The following PCSK5 variants were observed in gnomAD, a reference collection of about 807,000 sequenced individuals.
The protein encoded by PCSK5 is proprotein convertase subtilisin/kexin type 5.
In PCSK5, 129 loss-of-function variants were observed where a neutral mutation model predicts 233.2. That is an observed-to-expected ratio of 0.55 (90% CI 0.48 to 0.64). PCSK5 has a LOEUF of 0.64. Ranked by LOEUF, PCSK5 falls within the 30% of genes least tolerant of loss-of-function variation. The pLI, the probability that PCSK5 is intolerant of heterozygous loss-of-function variation, is 0.00. For missense variants in PCSK5, 2,076 were observed against 2,430.1 expected, an observed-to-expected ratio of 0.85 and a Z score of 3.06; for synonymous variants, 825 against 879.2, an observed-to-expected ratio of 0.94 and a Z score of 1.09.
intron 2 of PCSK5, among the ~76,000 whole-genome samples, chr9:75,951,441 A>G (rs1013340763): frequency 2.9e-4 from 44 of 152,358 alleles, no homozygotes; most frequent in African/African-American, 9.4e-4. Flanking sequence ...CATGTGTCCA[A>G]TTCAAGTGTG....
chr9:76,239,155 G>A lies in PCSK5; in HGVS notation c.3063G>A (p.Glu1021=), dbSNP rs1273848251. The change falls in exon 23 of 38, where the codon GAG becomes GAA. Residue 1021 remains glutamate (E), a synonymous_variant. Transcript: ENST00000674117. ...APTNHTCQKL[E]CGQGEVQDPD... ...CCAACCACACATGCCAGAAGTTAGA[G>A]TGTGGACAAGGTAAGCCTGCTCCTG... 6.3e-7 allele frequency: 1 copy of A among 1,580,582 alleles called. No homozygotes were observed.
At position 76,079,113 on chromosome 9, in the gene PCSK5, T is replaced by A. The variant is rs911072587; in HGVS notation, c.894+7215T>A. 9.9e-5 allele frequency among the ~76,000 whole-genome samples: 15 copies of A among 151,804 alleles called. No homozygotes were observed. The East Asian group carries it at 1.2e-3, about 12-fold the overall frequency. On this transcript the variant is annotated intron_variant, in intron 7 of 37. Coordinates refer to ENST00000674117, the MANE Select transcript of PCSK5 (RefSeq NM_001372043.1). Reference sequence around the variant, plus strand: ...TGTGGATGGATTGCATTTTTTTTTTTAAATCGAGATGGAGTTCACCCTGTC... The same window carrying A: ...TGTGGATGGATTGCATTTTTTTTTTAAAATCGAGATGGAGTTCACCCTGTC...
At chr9:75,997,461 A>G (rs1384984585) in intron 3 of PCSK5, among the ~76,000 whole-genome samples, 3 of 152,216 alleles carry the variant, frequency 2.0e-5, no homozygotes, top group East Asian at 1.9e-4. Flanking sequence ...AGTTTCTCCA[A>G]TGTAAGGAGA....
At chr9:76,215,211 C>G (rs1825478176) in intron 20 of PCSK5, among the ~76,000 whole-genome samples, 1 of 152,160 alleles carries the variant, frequency 6.6e-6, no homozygotes, top group Non-Finnish European at 1.5e-5. Context: ...TTTGGGGCCC[C>G]AGGCACATCA....
intron 25 of PCSK5, among the ~76,000 whole-genome samples, chr9:76,293,903 A>G (rs1587843078): frequency 1.3e-5 from 2 of 152,368 alleles, no homozygotes; most frequent in East Asian, 3.9e-4. Context: ...AATGCCTTAC[A>G]ATAGACATTG....
At chr9:76,175,470 A>G (rs1299452512) in intron 14 of PCSK5, 1 of 386,506 alleles carries the variant, frequency 2.6e-6, no homozygotes, top group Non-Finnish European at 4.6e-6. Flanking sequence ...CGATTGTACC[A>G]TAATATAGTT....
intron 5 of PCSK5, among the ~76,000 whole-genome samples, chr9:76,045,940 G>A (rs927380614): frequency 6.6e-6 from 1 of 151,940 alleles, no homozygotes; most frequent in African/African-American, 2.4e-5. Context: ...TGCCATAAGG[G>A]TTTTCCATTT....
At chr9:75,959,126 T>C (rs959615545) in intron 2 of PCSK5, among the ~76,000 whole-genome samples, 1 of 152,152 alleles carries the variant, frequency 6.6e-6, no homozygotes, top group Non-Finnish European at 1.5e-5. Flanking sequence ...GGAGGGAACA[T>C]TGAGGAAAGA....
intron 2 of PCSK5, among the ~76,000 whole-genome samples, chr9:75,967,529 A>T (rs181697753): frequency 3.3e-5 from 5 of 152,364 alleles, no homozygotes; most frequent in Admixed American, 2.6e-4. Context: ...TTAAGGGAAC[A>T]GCTTTCACAA....
At chr9:76,164,274 A>C (rs1823000765) in intron 12 of PCSK5, among the ~76,000 whole-genome samples, 1 of 152,178 alleles carries the variant, frequency 6.6e-6, no homozygotes, top group African/African-American at 2.4e-5. Context: ...TTCTTCCTTC[A>C]TTCAAAAGAA....
intron 20 of PCSK5, chr9:76,209,414 A>G (rs951499891): frequency 1.2e-5 from 5 of 426,004 alleles, no homozygotes; most frequent in African/African-American, 1.0e-4. Context: ...AGTTTACTTT[A>G]TATCTCCTGT....
At chr9:76,082,319 T>C (rs1477947687) in intron 7 of PCSK5, among the ~76,000 whole-genome samples, 1 of 152,202 alleles carries the variant, frequency 6.6e-6, no homozygotes, top group African/African-American at 2.4e-5. Flanking sequence ...CAGTCCTAAA[T>C]AGGAAAATGA....
intron 27 of PCSK5, among the ~76,000 whole-genome samples, chr9:76,297,382 G>A (rs763931955): frequency 3.9e-5 from 6 of 152,274 alleles, no homozygotes; most frequent in Non-Finnish European, 7.4e-5. Context: ...AGAGCTCACC[G>A]TCAGTCAAGC....
At chr9:76,249,437 A>C (rs1292277548) in intron 24 of PCSK5, among the ~76,000 whole-genome samples, 1 of 152,198 alleles carries the variant, frequency 6.6e-6, no homozygotes, top group Non-Finnish European at 1.5e-5. Flanking sequence ...AAAAATAAAG[A>C]GATAAAACAA....
rs527245089 is a variant in PCSK5 at position 76,174,834 on chromosome 9, C to T, written c.1757-152C>T. The T allele has an allele frequency of 2.1e-4, 132 of 634,624 alleles. 1 individual carries two copies. Among genetic ancestry groups the T allele is most frequent in the South Asian group, 4.2e-4 (19 of 45,462 alleles). The allele number at this position is 634,624 out of a possible 1,614,324, so 39.3% of individuals were successfully genotyped here. A position where few individuals can be genotyped will look rare whatever the true frequency, so the allele number is the denominator to read the frequency against. On this transcript the variant is annotated intron_variant, in intron 13 of 37. Coordinates refer to ENST00000674117, the MANE Select transcript of PCSK5 (RefSeq NM_001372043.1). ...ATAATTCTGCAGATGACGAGAAATA[C>T]GCATTTCTAGCTCTGCGTTTGATGT...
At chr9:76,168,143 C>T (rs1441321993) in intron 12 of PCSK5, among the ~76,000 whole-genome samples, 1 of 152,042 alleles carries the variant, frequency 6.6e-6, no homozygotes, top group Non-Finnish European at 1.5e-5. Context: ...TGCTATATAC[C>T]TGCATAAGTG....
Position 76,323,186 on chromosome 9 carries a change from T to C in PCSK5, c.4237T>C (p.Cys1413Arg). 6.2e-7 allele frequency: 1 copy of C among 1,612,770 alleles called. No homozygotes were observed. The highest frequency in any genetic ancestry group is 8.5e-7 in the Non-Finnish European group (1 of 1,179,808). The change falls in exon 32 of 38, where the codon TGC becomes CGC. Residue 1413 changes from cysteine (C) to arginine (R), a missense_variant. By Grantham distance (180) the Cys-to-Arg change is radical (BLOSUM62 -3). Coordinates refer to ENST00000674117, the MANE Select transcript of PCSK5 (RefSeq NM_001372043.1). Reference protein sequence around the residue: ...LECSGPKADDCELCLESSWVL... With the variant: ...LECSGPKADDRELCLESSWVL... ...GTGCAGTGGCCCCAAAGCCGACGAC[T>C]GCGAGCTCTGTCTTGAGAGTTCCTG...
intron 5 of PCSK5, among the ~76,000 whole-genome samples, chr9:76,056,606 TTAG>T (rs928029804): frequency 3.9e-5 from 6 of 152,220 alleles, no homozygotes; most frequent in Non-Finnish European, 5.9e-5. Flanking sequence ...TGGTTTATTG[TTAG>T]TAGTAGATGA....
chr9:75,939,181 C>T (rs1245488344), intron 2 of PCSK5, among the ~76,000 whole-genome samples: 1 of 152,136 alleles, frequency 6.6e-6, no homozygotes, highest in African/African-American at 2.4e-5. Context: ...CAAGAATAGC[C>T]TTGAGTCACA....
Sources: gnomAD v4.1 joint callset for allele counts (sites outside exome capture counted in the v4.1 genomes callset) on GRCh38, gnomAD v4.1.1 for gene constraint, MANE v1.5 for transcripts, NCBI Gene and HGNC (gene_info 2026-07-23, HGNC 2026-07-21) for gene names.